CMC2: variants seen among roughly 807,000 people sequenced by gnomAD.
CMC2 encodes the protein C-X9-C motif containing 2, also known as COX assembly mitochondrial protein 2 homolog.
A neutral mutation model predicts 7.5 loss-of-function variants in CMC2; 5 were observed. That is an observed-to-expected ratio of 0.66 (90% CI 0.35 to 1.40). The LOEUF is 1.40. CMC2 is among the 40% of genes most tolerant of loss of function. CMC2 has a pLI of 0.04. For synonymous variants in CMC2, 37 were observed against 31.4 expected, an observed-to-expected ratio of 1.18 and a Z score of -0.60; for missense variants, 115 against 92.3, an observed-to-expected ratio of 1.25 and a Z score of -1.01.
At chr16:81,004,533 C>A (rs540625319) in intron 1 of CMC2, among the ~76,000 whole-genome samples, 1 of 152,098 alleles carries the variant, frequency 6.6e-6, no homozygotes, top group Non-Finnish European at 1.5e-5. Context: ...CCACCTCCCT[C>A]CTCAATCCAG....
intron 3 of CMC2, among the ~76,000 whole-genome samples, chr16:80,978,714 G>C (rs947124596): frequency 2.2e-5 from 3 of 139,224 alleles, no homozygotes; most frequent in African/African-American, 7.9e-5. Context: ...CTAAAAAAAA[G>C]AAAAAAAAAA....
At chr16:81,005,831 C>G (rs1187682040) in intron 1 of CMC2, among the ~76,000 whole-genome samples, 3 of 152,242 alleles carry the variant, frequency 2.0e-5, no homozygotes, top group East Asian at 3.8e-4. Flanking sequence ...GAGGAAAATA[C>G]TCGTTCACAC....
intron 1 of CMC2, among the ~76,000 whole-genome samples, chr16:80,999,615 C>T (rs1339941855): frequency 1.3e-5 from 2 of 152,158 alleles, no homozygotes; most frequent in East Asian, 3.9e-4. Context: ...CAAAAGAATC[C>T]TAAGCAAAAA....
intron 2 of CMC2, among the ~76,000 whole-genome samples, chr16:80,989,476 T>C (rs2549836): frequency 0.65 from 99,118 of 152,072 alleles, 34,066 homozygotes; most frequent in South Asian, 0.8. Context: ...CTTTTAACAG[T>C]CCCTATCATT....
intron 2 of CMC2, chr16:80,982,193 G>T (rs944663763): frequency 9.4e-5 from 19 of 202,508 alleles, no homozygotes; most frequent in Admixed American, 1.2e-4. Flanking sequence ...AGAAAGATAC[G>T]GCATAAATGT....
At chr16:80,982,947 C>A in intron 2 of CMC2, 1 of 183,448 alleles carries the variant, frequency 5.5e-6, no homozygotes, top group Non-Finnish European at 1.1e-5. Context: ...AATGACATTA[C>A]AGGAAAAAGT....
Position 80,967,330 on chromosome 16 carries a change from GTTTTT to G in CMC2, c.*8758_*8762del, listed in dbSNP as rs1289933738. 6.5e-6 allele frequency: 1 copy of G among 152,928 alleles called. No homozygotes were observed. Among genetic ancestry groups the G allele is most frequent in the Non-Finnish European group, 1.5e-5 (1 of 68,814 alleles). 9.5% of individuals were successfully genotyped at this position (152,928 alleles called of 1,614,324 possible). On this transcript the variant is annotated 3_prime_UTR_variant, in exon 4 of 4. Transcript: ENST00000219400. ...GTATCTGCTTTGAAAAGATATCCTC[GTTTTT>G]TGTTTTGTTTTGTTTTGTTTTTTGA...
chr16:81,006,179 T>C (rs1228582483), intron 1 of CMC2, among the ~76,000 whole-genome samples: 2 of 151,992 alleles, frequency 1.3e-5, no homozygotes, highest in African/African-American at 4.8e-5. Context: ...GATGAATGTA[T>C]TACTTTCCTG....
rs778193287 is a variant in CMC2 at position 80,971,584 on chromosome 16, A to ATATATATATATATGTG, written c.*4508_*4509insCACATATATATATATA. 8 of 139,580 alleles carry ATATATATATATATGTG rather than the reference A, an allele frequency of 5.7e-5. No homozygotes were observed. In the East Asian group the frequency reaches 6.2e-4, roughly 11 times the overall value. The allele number at this position is 139,580 out of a possible 1,614,324, so 8.6% of individuals were successfully genotyped here. On this transcript the variant is annotated 3_prime_UTR_variant, in exon 4 of 4. Coordinates refer to ENST00000219400, the MANE Select transcript of CMC2 (RefSeq NM_020188.5). Reference sequence around the variant, plus strand: ...ACATTTTATATATATATATATATATATGTATGAAATCATGCATATATATAT... The same window carrying ATATATATATATATGTG: ...ACATTTTATATATATATATATATATATATATATATATATGTGTGTATGAAATCATGCATATATATAT...
At position 80,966,582 on chromosome 16, in the gene CMC2, C is replaced by T. The variant is rs1597198577; in HGVS notation, c.*9511G>A. ...CTTTAAAACGTGATATTTTATAATA[C>T]CAATTTCAAAACAATATTATTTTTA... On this transcript the variant is annotated 3_prime_UTR_variant, in exon 4 of 4. Coordinates refer to ENST00000219400, the MANE Select transcript of CMC2 (RefSeq NM_020188.5). The T allele has an allele frequency of 6.6e-6, 1 of 152,016 alleles. No homozygotes were observed. Among genetic ancestry groups the T allele is most frequent in the Non-Finnish European group, 1.5e-5 (1 of 68,026 alleles). The allele number at this position is 152,016 out of a possible 1,614,324, so 9.4% of individuals were successfully genotyped here.
chr16:80,973,349 G>C lies in CMC2; in HGVS notation c.*2744C>G, dbSNP rs1912063045. The C allele has an allele frequency of 6.6e-6, 1 of 152,162 alleles. No individual in the cohort carries two copies. The highest frequency in any genetic ancestry group is 2.4e-5 in the African/African-American group (1 of 41,420). 9.4% of individuals were successfully genotyped at this position (152,162 alleles called of 1,614,324 possible). The stretch of plus-strand genomic sequence containing the variant: ...ATTTGGTGCCTTCTACCAAACTACG[G>C]AGGAAGTGTTTCCAATACCCCAATT... On this transcript the variant is annotated 3_prime_UTR_variant, in exon 4 of 4. Transcript: ENST00000219400.
intron 3 of CMC2, among the ~76,000 whole-genome samples, chr16:80,979,602 T>G (rs1266312510): frequency 1.3e-5 from 2 of 150,602 alleles, no homozygotes; most frequent in Non-Finnish European, 2.9e-5. Flanking sequence ...ATTTATTTTA[T>G]TTATTTTTTA....
intron 1 of CMC2, among the ~76,000 whole-genome samples, chr16:80,999,232 T>G (rs2194319): frequency 0.14 from 21,365 of 152,068 alleles, 1,739 homozygotes; most frequent in East Asian, 0.25. Context: ...GGATACAAGA[T>G]CAACATAGAA....
intron 2 of CMC2, among the ~76,000 whole-genome samples, chr16:80,990,255 C>G (rs1046450121): frequency 5.9e-5 from 9 of 152,052 alleles, no homozygotes; most frequent in African/African-American, 2.2e-4. Flanking sequence ...ACTGCAACCT[C>G]TGTCTCCCAG....
chr16:80,979,958 C>T (rs1166575060), intron 3 of CMC2, among the ~76,000 whole-genome samples: 1 of 151,900 alleles, frequency 6.6e-6, no homozygotes, highest in East Asian at 1.9e-4. Context: ...CACTCTGTCA[C>T]CCAGACTGAA....
In CMC2 at chr16:80,967,392, T is replaced by G. The variant is rs1163294633; in HGVS notation, c.*8701A>C. The stretch of plus-strand genomic sequence containing the variant: ...GCTCGCCGTGTCGCCCAGGCTGGAG[T>G]GCAGTGGCACGATCTCGGCTCACTG... On this transcript the variant is annotated 3_prime_UTR_variant, in exon 4 of 4. Coordinates refer to ENST00000219400, the MANE Select transcript of CMC2 (RefSeq NM_020188.5). 1 of 153,124 alleles carries G rather than the reference T, an allele frequency of 6.5e-6. No individual in the cohort carries two copies. Among genetic ancestry groups the G allele is most frequent in the Non-Finnish European group, 1.5e-5 (1 of 68,834 alleles). The allele number at this position is 153,124 out of a possible 1,614,324, so 9.5% of individuals were successfully genotyped here.
chr16:80,997,646 G>A (rs748612995), intron 1 of CMC2: 1 of 304,856 alleles, frequency 3.3e-6, no homozygotes, highest in Non-Finnish European at 6.0e-6. Context: ...AGAACCTACA[G>A]GTTCAGGAGA....
intron 3 of CMC2, chr16:80,978,439 T>C: frequency 1.7e-6 from 2 of 1,208,348 alleles, no homozygotes; most frequent in Non-Finnish European, 2.2e-6. Context: ...GAGAAAAGGA[T>C]GAATATGAAG....
At chr16:80,980,113 TCTCA>T (rs1967008122) in intron 3 of CMC2, among the ~76,000 whole-genome samples, 2 of 151,592 alleles carry the variant, frequency 1.3e-5, no homozygotes, top group South Asian at 4.2e-4. Context: ...TGAGACAGGG[TCTCA>T]CTATGTTGCC....
Sources: gnomAD v4.1 joint callset for allele counts (sites outside exome capture counted in the v4.1 genomes callset) on GRCh38, gnomAD v4.1.1 for gene constraint, MANE v1.5 for transcripts, NCBI Gene and HGNC (gene_info 2026-07-23, HGNC 2026-07-21) for gene names.